The following PRR12 variants were observed in gnomAD, a reference collection of about 807,000 sequenced individuals.
PRR12 encodes the protein proline-rich protein 12.
A neutral mutation model predicts 138.0 loss-of-function variants in PRR12; 12 were observed. The observed-to-expected ratio is 0.09, with a 90% CI of 0.06 to 0.14. The LOEUF is 0.14. Ranked by LOEUF, PRR12 falls within the 10% of genes least tolerant of loss-of-function variation. The pLI is 1.00. For synonymous variants in PRR12, 1,567 were observed against 1,291.7 expected, an observed-to-expected ratio of 1.21 and a Z score of -4.57; for missense variants, 2,692 against 2,861.3, an observed-to-expected ratio of 0.94 and a Z score of 1.35.
intron 6 of PRR12, among the ~76,000 whole-genome samples, chr19:49,607,756 C>T (rs1178410930): frequency 2.0e-5 from 3 of 150,612 alleles, no homozygotes; most frequent in Admixed American, 6.6e-5. Context: ...TGGTGGCTCA[C>T]GCCTGTAATC....
At chr19:49,606,473 G>A (rs1363672144) in intron 6 of PRR12, among the ~76,000 whole-genome samples, 2 of 151,300 alleles carry the variant, frequency 1.3e-5, no homozygotes, top group East Asian at 3.9e-4. Context: ...CACCACGTCA[G>A]GCTAATTTTT....
Position 49,595,100 on chromosome 19 carries a change from C to CGCCGCT in PRR12, c.770_775dup (p.Ala257_Ala258dup), listed in dbSNP as rs770674171. 9.9e-6 allele frequency: 16 copies of CGCCGCT among 1,611,986 alleles called. No individual in the cohort carries two copies. The highest frequency in any genetic ancestry group is 1.7e-5 in the Admixed American group (1 of 59,986). The stretch of plus-strand genomic sequence containing the variant: ...TGCTGGCTTCCTCTTCCGCTGCCGC[C>CGCCGCT]GCCGCTGCCGAGCAGTCCTCCCCAC... On this transcript the variant is annotated inframe_insertion, in exon 4 of 14. Transcript: ENST00000418929.
At chr19:49,601,943 CTG>C (rs762343510) in intron 6 of PRR12, 25 bp downstream of exon 6, 24 of 1,603,274 alleles carry the variant, frequency 1.5e-5, no homozygotes, top group African/African-American at 6.7e-5. Context: ...TCTCCAGAAA[CTG>C]GGCCTGATGG....
intron 9 of PRR12, 141 bp from the exon 10 acceptor site, chr19:49,620,211 C>A: frequency 8.6e-7 from 1 of 1,158,076 alleles, no homozygotes; most frequent in Non-Finnish European, 1.2e-6. Flanking sequence ...TGGCGCTTGC[C>A]TGTCAATCTT....
chr19:49,601,942 A>G (rs778046993), intron 6 of PRR12, 24 bp downstream of exon 6: 3 of 1,603,250 alleles, frequency 1.9e-6, no homozygotes, highest in Admixed American at 3.4e-5. Flanking sequence ...TTCTCCAGAA[A>G]CTGGGCCTGA....
At chr19:49,622,522 G>T (rs1052285585) in intron 11 of PRR12, among the ~76,000 whole-genome samples, 1 of 151,328 alleles carries the variant, frequency 6.6e-6, no homozygotes, top group Non-Finnish European at 1.5e-5. Flanking sequence ...AACCCAGGAG[G>T]TGGAGCTTGC....
At chr19:49,601,142 A>T (rs968900662) in intron 5 of PRR12, among the ~76,000 whole-genome samples, 1 of 152,120 alleles carries the variant, frequency 6.6e-6, no homozygotes, top group Admixed American at 6.5e-5. Flanking sequence ...AGGGAGGAGG[A>T]TGAGGCCTTG....
intron 6 of PRR12, among the ~76,000 whole-genome samples, chr19:49,603,270 C>T (rs2080821471): frequency 6.6e-6 from 1 of 152,244 alleles, no homozygotes; most frequent in Non-Finnish European, 1.5e-5. Context: ...AGCAGGTGCT[C>T]AGGAGGTCAG....
Position 49,625,299 on chromosome 19 carries a change from C to G in PRR12, c.5964+99C>G. On this transcript the variant is annotated intron_variant, in intron 13 of 13. Transcript: ENST00000418929. The surrounding 1 kb of genome is among the most constrained non-coding windows in gnomAD (Gnocchi z 5.5). The stretch of plus-strand genomic sequence containing the variant: ...AAGCCCAGCCCCATCCTGCCTCAGA[C>G]CCAAGAGTTCAGGTCCTTCTGTCTT... 6.8e-7 allele frequency: 1 copy of G among 1,473,136 alleles called. No homozygotes were observed. Among genetic ancestry groups the G allele is most frequent in the Non-Finnish European group, 9.3e-7 (1 of 1,070,028 alleles). The allele number at this position is 1,473,136 out of a possible 1,614,324, so 91.3% of individuals were successfully genotyped here.
intron 4 of PRR12, among the ~76,000 whole-genome samples, chr19:49,598,913 G>A (rs1027192176): frequency 1.3e-5 from 2 of 152,158 alleles, no homozygotes; most frequent in Non-Finnish European, 2.9e-5. Flanking sequence ...GCCTGCCTCA[G>A]TCTCCCAAGG....
In PRR12 at chr19:49,596,375, C is replaced by T. The variant is rs559602669; in HGVS notation, c.2040C>T (p.Ala680=). 6.9e-6 allele frequency: 11 copies of T among 1,598,630 alleles called. No homozygotes were observed. The highest frequency in any genetic ancestry group is 5.4e-5 in the African/African-American group (4 of 74,664). Residue 680 remains alanine, a synonymous_variant, in exon 4 of 14, where the codon GCC becomes GCT. Coordinates refer to ENST00000418929, the MANE Select transcript of PRR12 (RefSeq NM_020719.3). The surrounding 1 kb of genome is among the most constrained non-coding windows in gnomAD (Gnocchi z 5.6). ...AGGGACTTGGGGGGAGTGGCGGGGCCGGGGGACCACCGGGTACACCCTACG... is the reference window on the plus strand; with the variant it reads ...AGGGACTTGGGGGGAGTGGCGGGGCTGGGGGACCACCGGGTACACCCTACG... ...ASKGLGGSGG[A]GGPPGTPYEL...
chr19:49,620,698 C>T (rs2080917497), intron 10 of PRR12, among the ~76,000 whole-genome samples: 1 of 137,524 alleles, frequency 7.3e-6, no homozygotes, highest in African/African-American at 2.8e-5. Context: ...GGAGAAGAGG[C>T]TGGGGGCCTG....
Position 49,593,232 on chromosome 19 carries a change from T to G in PRR12, c.87-95T>G, listed in dbSNP as rs1225869087. 47 of 541,034 alleles carry G rather than the reference T, an allele frequency of 8.7e-5. No individual in the cohort carries two copies. In the East Asian group the frequency reaches 1.7e-3, roughly 20 times the overall value. 33.5% of individuals were successfully genotyped at this position (541,034 alleles called of 1,614,324 possible). A position where few individuals can be genotyped will look rare whatever the true frequency, so the allele number is the denominator to read the frequency against. On this transcript the variant is annotated intron_variant, in intron 1 of 13. Transcript: ENST00000418929. ...CTTAACACCCCCCACCCCGGTCAGCTGGAAGGGTCCCCCCAACTCCCCGGG... is the reference window on the plus strand; with the variant it reads ...CTTAACACCCCCCACCCCGGTCAGCGGGAAGGGTCCCCCCAACTCCCCGGG...
At chr19:49,615,651 A>G (rs1299391273) in intron 8 of PRR12, 96 bp from the exon 9 acceptor site, 39 of 972,574 alleles carry the variant, frequency 4.0e-5, no homozygotes, top group Non-Finnish European at 5.6e-5. Context: ...GTATGAGAGA[A>G]GCTATTCCTG....
chr19:49,623,107 T>C (rs2080934387), intron 11 of PRR12, among the ~76,000 whole-genome samples: 1 of 151,898 alleles, frequency 6.6e-6, no homozygotes, highest in Non-Finnish European at 1.5e-5. Flanking sequence ...AATGTTATGC[T>C]GACTCTGAAA....
intron 10 of PRR12, among the ~76,000 whole-genome samples, chr19:49,621,001 G>A (rs1408628690): frequency 7.9e-6 from 1 of 126,590 alleles, no homozygotes; most frequent in Non-Finnish European, 1.7e-5. Flanking sequence ...TGGACTCCTG[G>A]GTCTGAGGGA....
intron 9 of PRR12, among the ~76,000 whole-genome samples, chr19:49,617,416 T>C (rs999782722): frequency 6.6e-5 from 10 of 152,178 alleles, no homozygotes; most frequent in South Asian, 2.1e-4. Flanking sequence ...TCACTTGAGC[T>C]CAAGAGTTCG....
rs1482662398 is a variant in PRR12, at chr19:49,595,426, G to A, written c.1091G>A (p.Gly364Asp). Residue 364 changes from glycine (G) to aspartate (D), a missense_variant, in exon 4 of 14, where the codon GGC becomes GAC. Physicochemically the swap from Gly to Asp is moderately conservative, Grantham distance 94. This residue lies in a region of PRR12 where 523 missense variants were observed against 496.4 expected (regional missense o/e 1.05). Transcript: ENST00000418929. Reference protein sequence around the residue: ...ATAGASGRATGPEAAGGGGAG... With the variant: ...ATAGASGRATDPEAAGGGGAG... ...GCTGGGGCATCTGGCCGGGCCACGG[G>A]CCCTGAGGCAGCAGGGGGCGGTGGG... 14 of 1,543,762 alleles carry A rather than the reference G, an allele frequency of 9.1e-6. No homozygotes were observed. The highest frequency in any genetic ancestry group is 1.2e-5 in the Non-Finnish European group (14 of 1,143,462).
Position 49,614,947 on chromosome 19 carries a change from T to C in PRR12, c.4962T>C (p.Asn1654=), listed in dbSNP as rs2080883828. 3 of 1,613,900 alleles carry C rather than the reference T, an allele frequency of 1.9e-6. No individual in the cohort carries two copies. The highest frequency in any genetic ancestry group is 2.5e-6 in the Non-Finnish European group (3 of 1,179,868). Residue 1654 remains asparagine (N), a synonymous_variant, in exon 8 of 14, where the codon AAT becomes AAC. Transcript: ENST00000418929. This position sits in a 1 kb window ranked among gnomAD's most constrained non-coding sequence, Gnocchi z 5.0. ...RLYVKFLENV[N]KKDYVRVCAR... ...ATGTAAAGTTCCTGGAAAATGTCAA[T>C]AAGAAGGACTACGTGAGGGTCTGTG...
Sources: allele counts gnomAD v4.1 joint callset (sites outside exome capture counted in the v4.1 genomes callset), GRCh38; gene constraint gnomAD v4.1.1; regional missense constraint gnomAD v4.1.1; non-coding constraint Gnocchi (gnomAD v3.1); transcripts MANE v1.5; gene names NCBI Gene and HGNC (gene_info 2026-07-23, HGNC 2026-07-21).